The following CA10 variants were observed in gnomAD, a reference collection of about 807,000 sequenced individuals.
CA10 encodes the protein carbonic anhydrase-related protein 10.
A neutral mutation model predicts 44.2 loss-of-function variants in CA10; 14 were observed. The observed-to-expected ratio is 0.32, with a 90% CI of 0.21 to 0.50. The LOEUF (loss-of-function observed/expected upper bound fraction) is 0.50, where lower values mean the gene tolerates loss of function less well. Ranked by LOEUF, CA10 falls within the 20% of genes least tolerant of loss-of-function variation. The pLI is 0.99. For missense variants in CA10, 350 were observed against 409.7 expected (o/e 0.85, Z 1.26); for synonymous variants, 159 against 141.6 (o/e 1.12, Z -0.87).
At chr17:52,043,887 C>T (rs1411570064) in intron 2 of CA10, among the ~76,000 whole-genome samples, 1 of 152,076 alleles carries the variant, frequency 6.6e-6, no homozygotes, top group Non-Finnish European at 1.5e-5. Flanking sequence ...ACCATCCTTA[C>T]TTTCCAGTGA....
At chr17:52,019,481 T>A (rs139872653) in intron 2 of CA10, among the ~76,000 whole-genome samples, 25 of 152,200 alleles carry the variant, frequency 1.6e-4, no homozygotes, top group Admixed American at 1.6e-3. Context: ...AATTTGTCAA[T>A]CCCACAAGCA....
At chr17:51,725,709 G>A (rs1567818280) in intron 4 of CA10, among the ~76,000 whole-genome samples, 1 of 152,194 alleles carries the variant, frequency 6.6e-6, no homozygotes, top group African/African-American at 2.4e-5. Context: ...CCCTTTCTCT[G>A]CACCCATCCC....
At chr17:51,651,359 A>G (rs189675074) in intron 5 of CA10, among the ~76,000 whole-genome samples, 89 of 152,330 alleles carry the variant, frequency 5.8e-4, no homozygotes, top group Middle Eastern at 3.4e-3. Flanking sequence ...CACAGCTTAA[A>G]TAACTCATGG....
chr17:52,067,453 T>C (rs539864967), intron 2 of CA10, among the ~76,000 whole-genome samples: 2 of 152,192 alleles, frequency 1.3e-5, no homozygotes, highest in Admixed American at 6.5e-5. Flanking sequence ...TTTGCTGCAG[T>C]GGGGAGCCCT....
chr17:52,084,501 C>T (rs963124608), intron 1 of CA10, among the ~76,000 whole-genome samples: 1 of 152,080 alleles, frequency 6.6e-6, no homozygotes. Context: ...CAAGACCAAA[C>T]TAAAATTTGG....
intron 3 of CA10, among the ~76,000 whole-genome samples, chr17:51,749,571 A>T (rs1255560260): frequency 2.6e-5 from 4 of 152,218 alleles, no homozygotes; most frequent in African/African-American, 7.2e-5. Context: ...GCTTGGAGCT[A>T]AATGATTATT....
At chr17:51,702,404 T>C (rs1428981831) in intron 4 of CA10, among the ~76,000 whole-genome samples, 1 of 152,150 alleles carries the variant, frequency 6.6e-6, no homozygotes, top group Non-Finnish European at 1.5e-5. Context: ...CTCTCATCCT[T>C]GGTGGCACAC....
intron 1 of CA10, among the ~76,000 whole-genome samples, chr17:52,092,404 G>T (rs1036559671): frequency 6.6e-6 from 1 of 152,194 alleles, no homozygotes; most frequent in East Asian, 1.9e-4. Context: ...GCTTACAGAA[G>T]AATTTTGTCC....
At chr17:51,804,013 C>T (rs944713388) in intron 3 of CA10, among the ~76,000 whole-genome samples, 1 of 152,176 alleles carries the variant, frequency 6.6e-6, no homozygotes, top group African/African-American at 2.4e-5. Flanking sequence ...GTTGCTAAAC[C>T]TCTCTATCCC....
At chr17:52,118,965 A>G (rs900275748) in intron 1 of CA10, among the ~76,000 whole-genome samples, 8 of 152,194 alleles carry the variant, frequency 5.3e-5, no homozygotes, top group Non-Finnish European at 1.2e-4. Flanking sequence ...GAATTCATGA[A>G]GAGCTGAAAT....
At chr17:51,715,033 A>G (rs191707384) in intron 4 of CA10, among the ~76,000 whole-genome samples, 220 of 152,312 alleles carry the variant, frequency 1.4e-3, no homozygotes, top group African/African-American at 5.1e-3. Flanking sequence ...AAAAGAACAA[A>G]ATAAGGGAGG....
chr17:52,071,282 T>C (rs1987673066), intron 2 of CA10, among the ~76,000 whole-genome samples: 1 of 152,194 alleles, frequency 6.6e-6, no homozygotes, highest in African/African-American at 2.4e-5. Flanking sequence ...CCAGTTGGCT[T>C]TTTCCTGGGT....
rs140591762 is a variant in CA10 at position 52,096,077 on chromosome 17, A to G, written c.62-23684T>C. 3.1e-3 allele frequency among the ~76,000 whole-genome samples: 473 copies of G among 152,260 alleles called. 3 individuals carry two copies. The highest frequency in any genetic ancestry group is 1.0e-2 in the African/African-American group (414 of 41,562). On this transcript the variant is annotated intron_variant, in intron 1 of 8. Transcript: ENST00000451037. ...CCTATTTACTTCCCAGGTATTGTGA[A>G]TATCTCTTGGGATAATGCATGTGGG...
At chr17:52,159,034 G>A (rs1441148327), upstream of CA10, among the ~76,000 whole-genome samples, 2 of 152,178 alleles carry the variant, frequency 1.3e-5, no homozygotes, top group East Asian at 3.9e-4. Flanking sequence ...CCCCGCCCTG[G>A]CTGCCTCTGT....
chr17:51,932,176 G>A (rs1209306436), intron 2 of CA10, among the ~76,000 whole-genome samples: 1 of 152,084 alleles, frequency 6.6e-6, no homozygotes, highest in Non-Finnish European at 1.5e-5. Flanking sequence ...GGTCGAGTAT[G>A]TTATGAGACT....
At chr17:52,143,818 C>T (rs534068208) in intron 1 of CA10, among the ~76,000 whole-genome samples, 26 of 152,192 alleles carry the variant, frequency 1.7e-4, no homozygotes, top group African/African-American at 6.3e-4. Context: ...GAAAAAAATC[C>T]CACAAAAAAA....
At chr17:52,036,062 G>T (rs774520919) in intron 2 of CA10, among the ~76,000 whole-genome samples, 1 of 152,182 alleles carries the variant, frequency 6.6e-6, no homozygotes, top group African/African-American at 2.4e-5. Flanking sequence ...TTCTGATTCG[G>T]TAGGGGTGGG....
At chr17:51,975,846 G>A (rs971282311) in intron 2 of CA10, among the ~76,000 whole-genome samples, 2 of 140,768 alleles carry the variant, frequency 1.4e-5, no homozygotes, top group Non-Finnish European at 3.0e-5. Context: ...ACTCCAGCCT[G>A]GGTGACAGAG....
intron 3 of CA10, among the ~76,000 whole-genome samples, chr17:51,788,175 T>C (rs1298013946): frequency 6.6e-6 from 1 of 152,218 alleles, no homozygotes; most frequent in South Asian, 2.1e-4. Context: ...AATATTTTTT[T>C]CAATTTCCTT....
Sources: gnomAD v4.1 joint callset for allele counts (sites outside exome capture counted in the v4.1 genomes callset) on GRCh38, gnomAD v4.1.1 for gene constraint, MANE v1.5 for transcripts, NCBI Gene and HGNC (gene_info 2026-07-23, HGNC 2026-07-21) for gene names.